The following VPS13B variants were observed in gnomAD, a reference collection of about 807,000 sequenced individuals.
VPS13B encodes the protein vacuolar protein sorting 13 homolog B.
A neutral mutation model predicts 426.4 loss-of-function variants in VPS13B; 285 were observed. The ratio of observed to expected loss-of-function variants is 0.67; its 90% CI spans 0.61 to 0.74. The LOEUF is 0.74. VPS13B is among the 30% of genes least tolerant of loss of function. The pLI, the probability that VPS13B is intolerant of heterozygous loss-of-function variation, is 0.00. For synonymous variants in VPS13B, 1,676 were observed against 1,676.4 expected, an observed-to-expected ratio of 1.00 and a Z score of 0.01; for missense variants, 4,537 against 4,782.6, an observed-to-expected ratio of 0.95 and a Z score of 1.51.
Position 99,871,614 on chromosome 8 carries a change from G to C in VPS13B, c.11662G>C (p.Glu3888Gln), listed in dbSNP as rs1231369520. The C allele has an allele frequency of 1.2e-6, 2 of 1,614,194 alleles. No homozygotes were observed. Among genetic ancestry groups the C allele is most frequent in the Non-Finnish European group, 1.7e-6 (2 of 1,180,046 alleles). Residue 3888 changes from glutamate to glutamine, a missense_variant, in exon 61 of 62, where the codon GAA becomes CAA. This residue lies in a region of VPS13B where 4,311 missense variants were observed against 4,474.3 expected (regional missense o/e 0.96). Transcript: ENST00000357162. ...ACAGCAGCAGGCCTTCCCCGTCACAGAAATCGACTGTGCACAGGACAGCAA... is the reference window on the plus strand; with the variant it reads ...ACAGCAGCAGGCCTTCCCCGTCACACAAATCGACTGTGCACAGGACAGCAA... The part of the protein sequence containing the change: ...DTQQQAFPVT[E>Q]IDCAQDSKQN...
chr8:99,431,471 G>T (rs555446959), intron 21 of VPS13B, 66 bp from the exon 22 acceptor site: 10 of 1,564,364 alleles, frequency 6.4e-6, no homozygotes, highest in South Asian at 5.7e-5. Flanking sequence ...TTGAAAATAC[G>T]TTTGGTATGT....
chr8:99,767,493 C>CA (rs869220303), intron 40 of VPS13B, among the ~76,000 whole-genome samples: 7,174 of 32,126 alleles, frequency 0.22, 1,002 homozygotes, highest in African/African-American at 0.3. Flanking sequence ...GCAACTCTCT[C>CA]AAAAAAAAAA....
intron 33 of VPS13B, among the ~76,000 whole-genome samples, chr8:99,629,065 A>G (rs1158216809): frequency 6.6e-6 from 1 of 152,102 alleles, no homozygotes; most frequent in African/African-American, 2.4e-5. Context: ...TGCCCAGCCT[A>G]GCTGTATGAT....
intron 2 of VPS13B, among the ~76,000 whole-genome samples, chr8:99,031,845 G>A (rs1315109949): frequency 6.6e-6 from 1 of 152,238 alleles, no homozygotes; most frequent in East Asian, 1.9e-4. Flanking sequence ...AGAGATGCCA[G>A]GGCTATTGAG....
intron 35 of VPS13B, among the ~76,000 whole-genome samples, chr8:99,676,362 A>G (rs897950247): frequency 1.3e-5 from 2 of 151,980 alleles, no homozygotes; most frequent in African/African-American, 4.8e-5. Context: ...GATCAAGTCT[A>G]TTTCATAGGG....
chr8:99,181,951 A>G (rs1690232022), intron 16 of VPS13B, among the ~76,000 whole-genome samples: 1 of 152,140 alleles, frequency 6.6e-6, no homozygotes, highest in South Asian at 2.1e-4. Flanking sequence ...AAGAAAAAAT[A>G]CAACCAATTA....
At chr8:99,016,941 C>T (rs1288871075) in intron 2 of VPS13B, among the ~76,000 whole-genome samples, 1 of 152,026 alleles carries the variant, frequency 6.6e-6, no homozygotes, top group African/African-American at 2.4e-5. Context: ...AGATGTTTTG[C>T]AGTATTTACT....
intron 33 of VPS13B, chr8:99,613,662 C>T (rs1207877736): frequency 1.3e-5 from 2 of 152,298 alleles, no homozygotes; most frequent in Middle Eastern, 3.4e-3. Flanking sequence ...AATGTCAAAG[C>T]ACCCGGGACC....
chr8:99,162,467 C>T (rs1271859237), intron 15 of VPS13B, among the ~76,000 whole-genome samples: 8 of 152,314 alleles, frequency 5.3e-5, no homozygotes, highest in Admixed American at 2.0e-4. Flanking sequence ...AATGAAGCCG[C>T]GGACCCTCGC....
At position 99,511,204 on chromosome 8, in the gene VPS13B, C is replaced by T. The variant is rs751646100; in HGVS notation, c.4325C>T (p.Ser1442Leu). The change falls in exon 29 of 62, where the codon TCA (serine) becomes TTA (leucine). Residue 1442 changes from serine (S) to leucine (L), a missense_variant. Around this residue, in one of 2 missense-constraint regions of VPS13B, gnomAD observed 4,311 missense variants for 4,474.3 expected, o/e 0.96. Transcript: ENST00000357162. ...VTKNVRHKLT[S>L]RNERRSFHKL... Reference sequence around the variant, plus strand: ...AAAAATGTCCGCCACAAGTTAACATCAAGAAATGAGCGAAGAAGTTTTCAT... The same window carrying T: ...AAAAATGTCCGCCACAAGTTAACATTAAGAAATGAGCGAAGAAGTTTTCAT... 4.3e-6 allele frequency: 7 copies of T among 1,613,962 alleles called. No homozygotes were observed. The East Asian group carries it at 1.6e-4, about 36-fold the overall frequency.
At chr8:99,627,715 A>C (rs1356281915) in intron 33 of VPS13B, among the ~76,000 whole-genome samples, 2 of 152,138 alleles carry the variant, frequency 1.3e-5, no homozygotes, top group South Asian at 2.1e-4. Context: ...AAATATCAAA[A>C]CGTCACACTG....
intron 3 of VPS13B, among the ~76,000 whole-genome samples, chr8:99,076,394 C>T (rs1158816476): frequency 6.6e-6 from 1 of 152,112 alleles, no homozygotes; most frequent in Non-Finnish European, 1.5e-5. Context: ...GTGCAGTTTA[C>T]ATCTGATTTT....
chr8:99,562,404 C>G (rs533551590), intron 31 of VPS13B, among the ~76,000 whole-genome samples: 1 of 152,056 alleles, frequency 6.6e-6, no homozygotes, highest in Non-Finnish European at 1.5e-5. Flanking sequence ...CCTCATCCTC[C>G]CAAGTACCTG....
At chr8:99,862,985 C>G (rs1316031557) in intron 58 of VPS13B, among the ~76,000 whole-genome samples, 2 of 152,162 alleles carry the variant, frequency 1.3e-5, no homozygotes, top group African/African-American at 4.8e-5. Flanking sequence ...CTCAGTAACC[C>G]AAAGGTGATG....
chr8:99,137,168 T>C (rs1810113760), intron 12 of VPS13B, among the ~76,000 whole-genome samples: 1 of 152,098 alleles, frequency 6.6e-6, no homozygotes, highest in Admixed American at 6.5e-5. Context: ...TAGATGTATA[T>C]ATTGTATTAT....
At chr8:99,459,665 T>C (rs1386622112) in intron 23 of VPS13B, among the ~76,000 whole-genome samples, 1 of 152,156 alleles carries the variant, frequency 6.6e-6, no homozygotes, top group Non-Finnish European at 1.5e-5. Flanking sequence ...CTCAAACATA[T>C]CTAAACATAG....
intron 8 of VPS13B, among the ~76,000 whole-genome samples, chr8:99,128,520 A>G (rs1157697242): frequency 2.0e-5 from 3 of 151,210 alleles, no homozygotes; most frequent in Non-Finnish European, 4.4e-5. Context: ...CATTATCCAT[A>G]CATCTGCCCA....
At chr8:99,020,634 G>T (rs1324222033) in intron 2 of VPS13B, among the ~76,000 whole-genome samples, 1 of 152,056 alleles carries the variant, frequency 6.6e-6, no homozygotes, top group Non-Finnish European at 1.5e-5. Context: ...AGGTAGTGTT[G>T]CAACCTTTCT....
intron 17 of VPS13B, among the ~76,000 whole-genome samples, chr8:99,240,286 C>T (rs1367635665): frequency 2.0e-5 from 3 of 152,100 alleles, no homozygotes; most frequent in African/African-American, 7.2e-5. Context: ...TGGTTCGCAG[C>T]TTTTAGATGA....
Sources: allele counts gnomAD v4.1 joint callset (sites outside exome capture counted in the v4.1 genomes callset), GRCh38; gene constraint gnomAD v4.1.1; regional missense constraint gnomAD v4.1.1; transcripts MANE v1.5; gene names NCBI Gene and HGNC (gene_info 2026-07-23, HGNC 2026-07-21).